SLC39A14: variants seen among roughly 807,000 people sequenced by gnomAD.
SLC39A14 encodes the protein solute carrier family 39 member 14.
Under a neutral mutation model 45.5 loss-of-function variants are expected in SLC39A14, and 19 were observed. That is an observed-to-expected ratio of 0.42 (90% CI 0.29 to 0.61). The LOEUF is 0.61. Ranked by LOEUF, SLC39A14 falls within the 20% of genes least tolerant of loss-of-function variation. The pLI, the probability that SLC39A14 is intolerant of heterozygous loss-of-function variation, is 0.22. For missense variants in SLC39A14, 447 were observed against 616.5 expected (o/e 0.73, Z 2.91); for synonymous variants, 264 against 251.3 (o/e 1.05, Z -0.48).
chr8:22,416,103 T>C lies in SLC39A14; in HGVS notation c.970T>C (p.Trp324Arg). ...GCAGGCTTCCCAGAGTGCTTGCTAC[T>C]GGCTGAAAGGTGTCCGCTACTCTGA... ...DLQASQSACY[W>R]LKGVRYSDIG... Residue 324 changes from tryptophan (W) to arginine (R), a missense_variant, in exon 7 of 9, where the codon TGG (tryptophan) becomes CGG (arginine). By Grantham distance (101) the Trp-to-Arg change is moderately radical (BLOSUM62 -3). This residue lies in a region of SLC39A14 where 342 missense variants were observed against 428.1 expected (regional missense o/e 0.80). Transcript: ENST00000381237. 3 of 1,614,158 alleles carry C rather than the reference T, an allele frequency of 1.9e-6. No individual in the cohort carries two copies. Among genetic ancestry groups the C allele is most frequent in the Middle Eastern group, 1.7e-4 (1 of 6,060 alleles).
At chr8:22,396,296 G>A (rs1265620504) in intron 1 of SLC39A14, among the ~76,000 whole-genome samples, 1 of 149,896 alleles carries the variant, frequency 6.7e-6, no homozygotes. Context: ...GAACCCGGGA[G>A]GCGGAGGTTA....
intron 7 of SLC39A14, 37 bp downstream of exon 7, chr8:22,416,317 G>A (rs1835878470): frequency 1.3e-6 from 2 of 1,586,164 alleles, no homozygotes; most frequent in African/African-American, 1.3e-5. Context: ...GTGCTCCCTT[G>A]GGTGGTGGTG....
intron 1 of SLC39A14, among the ~76,000 whole-genome samples, chr8:22,394,355 C>T (rs35486529): frequency 0.24 from 33,299 of 139,890 alleles, 4,766 homozygotes; most frequent in East Asian, 0.5. Context: ...GTTGGAATCT[C>T]GCTCTGTCAC....
rs573362471 is a variant in SLC39A14, at chr8:22,403,138, G to A, written c.-15-1558G>A. On this transcript the variant is annotated intron_variant, in intron 1 of 8. Coordinates refer to ENST00000381237, the MANE Select transcript of SLC39A14 (RefSeq NM_001128431.4). ...ACTACAGGCGCCCGCCACCACACCC[G>A]GCTAATTTTTTCTATTTTTAGTAGA... Among the ~76,000 whole-genome samples, 11 of 152,056 alleles carry A rather than the reference G, an allele frequency of 7.2e-5. No homozygotes were observed. The East Asian group carries it at 1.7e-3, about 24-fold the overall frequency.
intron 1 of SLC39A14, among the ~76,000 whole-genome samples, chr8:22,400,727 T>C (rs1834806951): frequency 6.6e-6 from 1 of 152,214 alleles, no homozygotes; most frequent in African/African-American, 2.4e-5. Context: ...CATACGTGGA[T>C]CCTAAAGCAT....
chr8:22,399,234 C>G (rs1834705720), intron 1 of SLC39A14, among the ~76,000 whole-genome samples: 1 of 152,212 alleles, frequency 6.6e-6, no homozygotes, highest in African/African-American at 2.4e-5. Flanking sequence ...CGCGCGGACC[C>G]CTGCCCGGCC....
intron 1 of SLC39A14, among the ~76,000 whole-genome samples, chr8:22,396,393 GAGAGAGAGAGAGAGAGA>G (rs1834392174): frequency 1.5e-4 from 1 of 6,476 alleles, no homozygotes; most frequent in African/African-American, 2.3e-3. Context: ...AATAGAGAGA[GAGAGAGAGAGAGAGAGA>G]GAGGGGGGGG....
Position 22,396,158 on chromosome 8 carries a change from G to A in SLC39A14, c.-15-8538G>A, listed in dbSNP as rs561608407. On this transcript the variant is annotated intron_variant, in intron 1 of 8. Transcript: ENST00000381237. ...GAGACAGGTGTGTCACCTGAGGTCA[G>A]GAGTTTGAGACCAGCTTAGCCAACA... is the stretch of plus-strand genomic sequence containing the variant. Among the ~76,000 whole-genome samples the A allele has an allele frequency of 1.7e-3, 265 of 151,982 alleles. 1 individual carries two copies. Among genetic ancestry groups the A allele is most frequent in the African/African-American group, 6.0e-3 (250 of 41,444 alleles).
In SLC39A14 at chr8:22,404,920, T is replaced by C; in HGVS notation, c.210T>C (p.Asp70=). 1 of 1,614,170 alleles carries C rather than the reference T, an allele frequency of 6.2e-7. No individual in the cohort carries two copies. The highest frequency in any genetic ancestry group is 8.5e-7 in the Non-Finnish European group (1 of 1,180,010). Residue 70 remains aspartate (D), a synonymous_variant, in exon 2 of 9, where the codon GAT becomes GAC. Transcript: ENST00000381237. Reference sequence around the variant, plus strand: ...TGAAGGCCCTACTCAACCACCTGGATGTGGGAGTGGGCCGGGGTAATGTCA... The same window carrying C: ...TGAAGGCCCTACTCAACCACCTGGACGTGGGAGTGGGCCGGGGTAATGTCA... ...QQLKALLNHL[D]VGVGRGNVTQ...
At chr8:22,416,970 C>T (rs942833255) in intron 7 of SLC39A14, among the ~76,000 whole-genome samples, 1 of 152,178 alleles carries the variant, frequency 6.6e-6, no homozygotes, top group South Asian at 2.1e-4. Context: ...CTTTTGTAGC[C>T]TGTTAATCTT....
downstream of SLC39A14, among the ~76,000 whole-genome samples, chr8:22,427,532 G>C (rs967218493): frequency 2.0e-5 from 3 of 151,476 alleles, no homozygotes; most frequent in African/African-American, 7.3e-5. Context: ...AAACCTCTTT[G>C]ATCTTGAGTA....
At chr8:22,399,293 T>C (rs1018992528) in intron 1 of SLC39A14, among the ~76,000 whole-genome samples, 2 of 152,220 alleles carry the variant, frequency 1.3e-5, no homozygotes, top group African/African-American at 4.8e-5. Flanking sequence ...CTCTTCTTTC[T>C]TTCCTCTCTA....
chr8:22,391,716 C>G (rs1285887985), intron 1 of SLC39A14, among the ~76,000 whole-genome samples: 1 of 152,060 alleles, frequency 6.6e-6, no homozygotes, highest in Non-Finnish European at 1.5e-5. Context: ...GTTACAGGTA[C>G]CCGCCACCAT....
At chr8:22,429,317 G>A (rs1247858679) in intron 8 of SLC39A14, among the ~76,000 whole-genome samples, 1 of 152,090 alleles carries the variant, frequency 6.6e-6, no homozygotes, top group African/African-American at 2.4e-5. Flanking sequence ...GCATCCATAG[G>A]AATGGATTCA....
intron 1 of SLC39A14, among the ~76,000 whole-genome samples, chr8:22,373,073 C>G (rs1164297694): frequency 1.3e-5 from 2 of 152,160 alleles, no homozygotes; most frequent in African/African-American, 4.8e-5. Context: ...ACCATCCTGG[C>G]CAACATGGTG....
chr8:22,408,561 G>T, intron 3 of SLC39A14, 65 bp downstream of exon 3: 1 of 1,453,488 alleles, frequency 6.9e-7, no homozygotes, highest in Non-Finnish European at 9.3e-7. Context: ...AGGACCCCTG[G>T]GCTGAGCTGC....
chr8:22,406,099 C>T (rs944776382), intron 2 of SLC39A14, among the ~76,000 whole-genome samples: 5 of 152,112 alleles, frequency 3.3e-5, no homozygotes, highest in African/African-American at 4.8e-5. Context: ...AGGGAAGGCT[C>T]GAGCGTGGGG....
downstream of SLC39A14, among the ~76,000 whole-genome samples, chr8:22,426,808 G>C (rs60384050): frequency 6.6e-6 from 1 of 151,880 alleles, no homozygotes; most frequent in African/African-American, 2.4e-5. Context: ...CTCAGCCTCC[G>C]AAGTAGCTGG....
chr8:22,421,538 T>C lies in SLC39A14; in HGVS notation c.*1840T>C, dbSNP rs552402371. On this transcript the variant is annotated 3_prime_UTR_variant, in exon 9 of 9. Transcript: ENST00000381237. ...TTTACCAAAGAACCAATTCCTTGAA[T>C]GTTGGAATCTAACTTTTTATATTGT... 1 of 985,574 alleles carries C rather than the reference T, an allele frequency of 1.0e-6. No individual in the cohort carries two copies. Among genetic ancestry groups the C allele is most frequent in the Admixed American group, 6.1e-5 (1 of 16,284 alleles). The allele number at this position is 985,574 out of a possible 1,614,324, so 61.1% of individuals were successfully genotyped here.
Sources: allele counts gnomAD v4.1 joint callset (sites outside exome capture counted in the v4.1 genomes callset), GRCh38; gene constraint gnomAD v4.1.1; regional missense constraint gnomAD v4.1.1; transcripts MANE v1.5; gene names NCBI Gene and HGNC (gene_info 2026-07-23, HGNC 2026-07-21).